TNR: variants seen among roughly 807,000 people sequenced by gnomAD.
TNR encodes tenascin R, also known as tenascin-R.
A neutral mutation model predicts 150.4 loss-of-function variants in TNR; 45 were observed. The ratio of observed to expected loss-of-function variants is 0.30; its 90% CI spans 0.24 to 0.38. The LOEUF (loss-of-function observed/expected upper bound fraction) is 0.38, where lower values mean the gene tolerates loss of function less well. Among genes scored for constraint, TNR ranks in the 10% least tolerant of loss-of-function variants. TNR has a pLI of 1.00. For missense variants in TNR, 1,544 were observed against 1,759.1 expected, an observed-to-expected ratio of 0.88 and a Z score of 2.19; for synonymous variants, 687 against 678.4, an observed-to-expected ratio of 1.01 and a Z score of -0.20.
At chr1:175,501,393 C>A (rs1658729885) in intron 2 of TNR, among the ~76,000 whole-genome samples, 1 of 152,246 alleles carries the variant, frequency 6.6e-6, no homozygotes, top group Non-Finnish European at 1.5e-5. Flanking sequence ...CTAGGTACTT[C>A]AGTCTGTTAA....
chr1:175,592,252 G>T (rs1479644531), intron 1 of TNR, among the ~76,000 whole-genome samples: 2 of 152,206 alleles, frequency 1.3e-5, no homozygotes, highest in Non-Finnish European at 2.9e-5. Flanking sequence ...GTTAACTCGG[G>T]TGGTTATTAT....
intron 1 of TNR, among the ~76,000 whole-genome samples, chr1:175,529,220 G>T (rs1054449310): frequency 6.6e-6 from 1 of 152,176 alleles, no homozygotes; most frequent in African/African-American, 2.4e-5. Flanking sequence ...GGGACACTGA[G>T]CCCCAGGGAT....
At chr1:175,523,756 T>C (rs1659737109) in intron 2 of TNR, among the ~76,000 whole-genome samples, 1 of 152,214 alleles carries the variant, frequency 6.6e-6, no homozygotes. Flanking sequence ...GTGATCTTTC[T>C]AAAGGCAACA....
At chr1:175,698,467 A>G (rs1666594439) in intron 1 of TNR, among the ~76,000 whole-genome samples, 1 of 152,108 alleles carries the variant, frequency 6.6e-6, no homozygotes. Flanking sequence ...TGGTGAGGAG[A>G]CCAGCGGGCA....
intron 8 of TNR, among the ~76,000 whole-genome samples, chr1:175,383,732 T>C (rs1267482415): frequency 6.6e-6 from 1 of 152,240 alleles, no homozygotes; most frequent in Admixed American, 6.5e-5. Flanking sequence ...CTGAAATGAC[T>C]GAGGGCCTCA....
chr1:175,681,014 A>G (rs776912420), intron 1 of TNR, among the ~76,000 whole-genome samples: 2 of 152,158 alleles, frequency 1.3e-5, no homozygotes, highest in African/African-American at 4.8e-5. Context: ...CTAGGATTGT[A>G]TGAAAGCACC....
intron 2 of TNR, among the ~76,000 whole-genome samples, chr1:175,474,945 G>C (rs1036617106): frequency 1.3e-5 from 2 of 152,180 alleles, no homozygotes; most frequent in African/African-American, 4.8e-5. Context: ...AGATTAAATT[G>C]GTGAATATTT....
intron 2 of TNR, among the ~76,000 whole-genome samples, chr1:175,528,028 A>G (rs1659916202): frequency 6.6e-6 from 1 of 152,198 alleles, no homozygotes; most frequent in African/African-American, 2.4e-5. Context: ...GCATCATGAA[A>G]TGCATTCAGA....
In TNR at chr1:175,396,467, G is replaced by A. The variant is rs1052147808; in HGVS notation, c.1240+77C>T. On this transcript the variant is annotated intron_variant, in intron 5 of 22. Transcript: ENST00000367674. ...AGGCATCCCTGAAGAACTAAGAAAAGACGCTACTATCATGAATGCCCATGA... is the reference window on the plus strand; with the variant it reads ...AGGCATCCCTGAAGAACTAAGAAAAAACGCTACTATCATGAATGCCCATGA... 3 of 1,522,604 alleles carry A rather than the reference G, an allele frequency of 2.0e-6. No homozygotes were observed. In the East Asian group the frequency reaches 6.8e-5, roughly 35 times the overall value. 94.3% of individuals were successfully genotyped at this position (1,522,604 alleles called of 1,614,324 possible). A position where few individuals can be genotyped will look rare whatever the true frequency, so the allele number is the denominator to read the frequency against.
chr1:175,394,905 T>C (rs1371305109), intron 5 of TNR, among the ~76,000 whole-genome samples: 2 of 152,146 alleles, frequency 1.3e-5, no homozygotes, highest in African/African-American at 4.8e-5. Flanking sequence ...TGTGCATGCA[T>C]GTGGATCAGA....
rs1291477074 is a variant in TNR at position 175,375,955 on chromosome 1, C to CTTA, written c.1963+3596_1963+3597insTAA. The stretch of plus-strand genomic sequence containing the variant: ...TCTTTTAGATGAGAGAACTAAAGTG[C>CTTA]AGGAAATTTAAGAAATTTGCTCAAG... On this transcript the variant is annotated intron_variant, in intron 9 of 22. Transcript: ENST00000367674. 2.6e-5 allele frequency among the ~76,000 whole-genome samples: 4 copies of CTTA among 152,186 alleles called. No individual in the cohort carries two copies. The East Asian group carries it at 7.7e-4, about 29-fold the overall frequency.
chr1:175,367,468 C>T (rs1264788954), intron 9 of TNR, among the ~76,000 whole-genome samples, 171 bp from the exon 10 acceptor site: 1 of 152,130 alleles, frequency 6.6e-6, no homozygotes, highest in Non-Finnish European at 1.5e-5. Context: ...ATTTAGGAAT[C>T]CCAAGTCAAT....
intron 2 of TNR, among the ~76,000 whole-genome samples, chr1:175,432,429 G>A (rs1262479102): frequency 6.6e-6 from 1 of 152,166 alleles, no homozygotes; most frequent in Non-Finnish European, 1.5e-5. Context: ...ACTTGCCCAG[G>A]CAGCAAAAGT....
Position 175,718,964 on chromosome 1 carries a change from G to A in TNR, c.-165+24262C>T, listed in dbSNP as rs75700339. The stretch of plus-strand genomic sequence containing the variant: ...CAAGGACGTTCACTTTCCCCTCCCC[G>A]CAATCCCACAATCTGCCAATTTCAG... On this transcript the variant is annotated intron_variant, in intron 1 of 22. Coordinates refer to ENST00000367674, the MANE Select transcript of TNR (RefSeq NM_003285.3). 9.0e-3 allele frequency among the ~76,000 whole-genome samples: 1,368 copies of A among 152,206 alleles called. 11 individuals are homozygous for A. The highest frequency in any genetic ancestry group is 0.015 in the Non-Finnish European group (1,043 of 68,002).
chr1:175,560,512 A>G (rs1007995026), intron 1 of TNR, among the ~76,000 whole-genome samples: 1 of 152,260 alleles, frequency 6.6e-6, no homozygotes, highest in Non-Finnish European at 1.5e-5. Context: ...GCTGATTTAC[A>G]TAACTAGCAA....
intron 2 of TNR, among the ~76,000 whole-genome samples, chr1:175,434,688 G>A (rs1655419616): frequency 6.6e-6 from 1 of 152,132 alleles, no homozygotes; most frequent in East Asian, 1.9e-4. Flanking sequence ...CTGGCCCCTT[G>A]ATTTATGCCC....
rs750972386 is a variant in TNR, at chr1:175,359,680, G to A, written c.2906C>T (p.Ala969Val). ...CACTGGTGCCTTCCACTGCAGCAGG[G>A]CTTCTGTTGGAGTGATATTGGTAGC... Reference protein sequence around the residue: ...LIATNITPTEALLQWKAPVGE... With the variant: ...LIATNITPTEVLLQWKAPVGE... Residue 969 changes from alanine (A) to valine (V), a missense_variant, in exon 15 of 23, where the codon GCC (alanine) becomes GTC (valine). Around this residue, in one of 2 missense-constraint regions of TNR, gnomAD observed 1,254 missense variants for 1,329.4 expected, o/e 0.94. Transcript: ENST00000367674. 1.9e-6 allele frequency: 3 copies of A among 1,613,856 alleles called. No individual in the cohort carries two copies. The South Asian group carries it at 3.3e-5, about 18-fold the overall frequency.
chr1:175,455,090 C>A (rs993520677), intron 2 of TNR, among the ~76,000 whole-genome samples: 1 of 152,222 alleles, frequency 6.6e-6, no homozygotes, highest in Non-Finnish European at 1.5e-5. Context: ...AGGTCACACT[C>A]ATGCTGATAA....
At chr1:175,584,392 C>T (rs1437079471) in intron 1 of TNR, among the ~76,000 whole-genome samples, 2 of 152,124 alleles carry the variant, frequency 1.3e-5, no homozygotes, top group Non-Finnish European at 2.9e-5. Context: ...AGGATTCTCC[C>T]TTAGAGACAT....
Sources: gnomAD v4.1 joint callset for allele counts (sites outside exome capture counted in the v4.1 genomes callset) on GRCh38, gnomAD v4.1.1 for gene constraint, gnomAD v4.1.1 regional missense constraint, MANE v1.5 for transcripts, NCBI Gene and HGNC (gene_info 2026-07-23, HGNC 2026-07-21) for gene names.